MBP: variants seen among roughly 807,000 people sequenced by gnomAD.
MBP encodes Golli-MBP.
In MBP, 16 loss-of-function variants were observed where a neutral mutation model predicts 35.8. That is an observed-to-expected ratio of 0.45 (90% CI 0.30 to 0.68). The LOEUF (loss-of-function observed/expected upper bound fraction) is 0.68. MBP is among the 30% of genes least tolerant of loss of function. The pLI, the probability that MBP is intolerant of heterozygous loss-of-function variation, is 0.08. For synonymous variants in MBP, 143 were observed against 159.6 expected, an observed-to-expected ratio of 0.90 and a Z score of 0.78; for missense variants, 380 against 404.7, an observed-to-expected ratio of 0.94 and a Z score of 0.52.
At chr18:77,063,583 C>T (rs529776570) in intron 3 of MBP, among the ~76,000 whole-genome samples, 3 of 152,228 alleles carry the variant, frequency 2.0e-5, no homozygotes, top group Admixed American at 2.0e-4. Context: ...GATATGCGAG[C>T]CTTGCTCCGG....
intron 3 of MBP, among the ~76,000 whole-genome samples, chr18:77,042,167 C>T (rs1973035564): frequency 1.3e-5 from 2 of 152,158 alleles, no homozygotes; most frequent in South Asian, 4.1e-4. Context: ...CTGCTGAATA[C>T]ATGCATAGCC....
chr18:77,014,060 A>G (rs906407729), intron 4 of MBP: 2 of 985,296 alleles, frequency 2.0e-6, no homozygotes, highest in Non-Finnish European at 2.4e-6. Context: ...GAACTGGGAA[A>G]CCTGTTCCTT....
chr18:77,008,337 AC>A (rs920019606), intron 4 of MBP, among the ~76,000 whole-genome samples: 4 of 152,012 alleles, frequency 2.6e-5, no homozygotes, highest in Middle Eastern at 3.2e-3. Flanking sequence ...GCCCCAGTGC[AC>A]CCCAGAGAAG....
chr18:77,126,614 T>C (rs1977058643), intron 1 of MBP, among the ~76,000 whole-genome samples: 1 of 152,156 alleles, frequency 6.6e-6, no homozygotes, highest in African/African-American at 2.4e-5. Flanking sequence ...GCAGATAACA[T>C]GATGATCTAC....
rs1177539807 is a variant in MBP, at chr18:77,100,506, GGGGTGTGTGTGTGTGTGTGTGTGT to G, written c.51+4681_51+4704del. Among the ~76,000 whole-genome samples the G allele has an allele frequency of 3.7e-4, 28 of 76,504 alleles. 1 individual carries two copies. The highest frequency in any genetic ancestry group is 9.9e-4 in the African/African-American group (23 of 23,294). 50.2% of individuals were successfully genotyped at this position (76,504 alleles called of 152,430 possible). On this transcript the variant is annotated intron_variant, in intron 2 of 8. Transcript: ENST00000355994. ...GTTAGCGCTGGCCTAGATAGAATTT[GGGGTGTGTGTGTGTGTGTGTGTGT>G]GTGTGTGTGTGTGTGTTTTGTGGTT...
chr18:77,062,331 G>A (rs368184343), intron 3 of MBP, among the ~76,000 whole-genome samples: 8 of 152,322 alleles, frequency 5.3e-5, no homozygotes, highest in African/African-American at 1.9e-4. Context: ...AGGACAGTGT[G>A]TGCACTACCT....
intron 3 of MBP, among the ~76,000 whole-genome samples, chr18:77,052,874 T>G (rs59717417): frequency 6.6e-6 from 1 of 152,020 alleles, no homozygotes; most frequent in African/African-American, 2.4e-5. Context: ...ACCCCCCGGG[T>G]GGACTTCAGG....
intron 3 of MBP, among the ~76,000 whole-genome samples, chr18:77,042,227 C>T (rs773455375): frequency 2.9e-4 from 44 of 152,254 alleles, no homozygotes; most frequent in Admixed American, 4.6e-4. Context: ...GGCATGCTCT[C>T]TTATCCTTTC....
intron 4 of MBP, chr18:77,014,856 C>T: frequency 2.0e-5 from 20 of 985,252 alleles, no homozygotes; most frequent in Non-Finnish European, 2.4e-5. Flanking sequence ...ATTAAAAAAT[C>T]TTCTATATTC....
chr18:77,070,471 A>C (rs1280506920), intron 2 of MBP, among the ~76,000 whole-genome samples: 1 of 152,238 alleles, frequency 6.6e-6, no homozygotes, highest in Non-Finnish European at 1.5e-5. Flanking sequence ...CTATATCGTA[A>C]GGAGCACAAA....
At chr18:77,015,407 C>G in intron 4 of MBP, 1 of 985,400 alleles carries the variant, frequency 1.0e-6, no homozygotes. Context: ...GGTTTGATAG[C>G]TGGGCTTGAA....
chr18:77,053,292 G>T (rs538695336), intron 3 of MBP, among the ~76,000 whole-genome samples: 2 of 152,358 alleles, frequency 1.3e-5, no homozygotes. Context: ...CCCACTGCAG[G>T]TCCAGCCAAG....
intron 3 of MBP, among the ~76,000 whole-genome samples, chr18:77,035,527 C>A (rs544653471): frequency 6.6e-6 from 1 of 152,360 alleles, no homozygotes; most frequent in South Asian, 2.1e-4. Flanking sequence ...GGCCAGTGCT[C>A]TCCCTGTGCT....
chr18:77,105,001 C>T (rs903072512), intron 2 of MBP, among the ~76,000 whole-genome samples: 7 of 151,864 alleles, frequency 4.6e-5, no homozygotes, highest in African/African-American at 1.5e-4. Context: ...TACTGCCATG[C>T]AATCTTCCTG....
At chr18:77,120,605 G>C (rs563078347) in intron 1 of MBP, among the ~76,000 whole-genome samples, 1 of 152,206 alleles carries the variant, frequency 6.6e-6, no homozygotes, top group Non-Finnish European at 1.5e-5. Context: ...TTTACAAAAC[G>C]CATTGTTAGT....
intron 2 of MBP, among the ~76,000 whole-genome samples, chr18:77,091,234 T>C (rs1975509957): frequency 6.6e-6 from 1 of 152,214 alleles, no homozygotes; most frequent in South Asian, 2.1e-4. Flanking sequence ...GGATAATTAG[T>C]ATAATTACAA....
intron 2 of MBP, among the ~76,000 whole-genome samples, chr18:77,103,434 T>C (rs1007188221): frequency 6.6e-6 from 1 of 152,252 alleles, no homozygotes; most frequent in Non-Finnish European, 1.5e-5. Context: ...AGACACATAA[T>C]TTTATGTTGA....
At chr18:77,077,297 G>A (rs1210961530) in intron 2 of MBP, among the ~76,000 whole-genome samples, 3 of 143,346 alleles carry the variant, frequency 2.1e-5, no homozygotes, top group Non-Finnish European at 4.5e-5. Context: ...GGGAAGCGGA[G>A]GTTGCAGTGA....
intron 2 of MBP, among the ~76,000 whole-genome samples, chr18:77,093,796 G>A (rs1332865101): frequency 1.3e-5 from 2 of 152,178 alleles, no homozygotes; most frequent in Non-Finnish European, 2.9e-5. Context: ...CCGCCCAGCA[G>A]CCTGAAAGCA....
Sources: gnomAD v4.1 joint callset for allele counts (sites outside exome capture counted in the v4.1 genomes callset) on GRCh38, gnomAD v4.1.1 for gene constraint, MANE v1.5 for transcripts, NCBI Gene and HGNC (gene_info 2026-07-23, HGNC 2026-07-21) for gene names.